ZNF383: variants seen among roughly 807,000 people sequenced by gnomAD.
The protein encoded by ZNF383 is zinc finger protein 383.
A neutral mutation model predicts 44.2 loss-of-function variants in ZNF383; 32 were observed. The ratio of observed to expected loss-of-function variants is 0.72; its 90% CI spans 0.55 to 0.97. The LOEUF (loss-of-function observed/expected upper bound fraction) is 0.97, where lower values mean the gene tolerates loss of function less well. Ranked by LOEUF, ZNF383 falls within the 50% of genes least tolerant of loss-of-function variation. ZNF383 has a pLI of 0.00. For synonymous variants in ZNF383, 155 were observed against 186.2 expected, an observed-to-expected ratio of 0.83 and a Z score of 1.36; for missense variants, 487 against 562.5, an observed-to-expected ratio of 0.87 and a Z score of 1.36.
intron 5 of ZNF383, among the ~76,000 whole-genome samples, chr19:37,239,270 C>T (rs1973964594): frequency 6.6e-6 from 1 of 152,102 alleles, no homozygotes; most frequent in Non-Finnish European, 1.5e-5. Context: ...AACATTTCTT[C>T]CTATCGTGAT....
intron 1 of ZNF383, among the ~76,000 whole-genome samples, chr19:37,223,449 G>A (rs536278076): frequency 1.4e-4 from 22 of 152,140 alleles, no homozygotes; most frequent in Admixed American, 1.3e-3. Flanking sequence ...TGTAATCCCA[G>A]CACTTTAGGA....
chr19:37,218,522 G>A (rs1972778148), intron 1 of ZNF383, among the ~76,000 whole-genome samples: 1 of 152,130 alleles, frequency 6.6e-6, no homozygotes, highest in African/African-American at 2.4e-5. Context: ...GTGTAGGTAT[G>A]ACTGTGTCCC....
Position 37,230,473 on chromosome 19 carries a change from G to C in ZNF383, c.9+11G>C. On this transcript the variant is annotated intron_variant, in intron 3 of 5. Transcript: ENST00000684119. ...GAAGCCATGGCTGAGGTGAGTTGATGCTTTTTCTTGCCTTCCTGACATTTA... is the reference window on the plus strand; with the variant it reads ...GAAGCCATGGCTGAGGTGAGTTGATCCTTTTTCTTGCCTTCCTGACATTTA... 1 of 1,610,728 alleles carries C rather than the reference G, an allele frequency of 6.2e-7. No individual in the cohort carries two copies. Among genetic ancestry groups the C allele is most frequent in the Non-Finnish European group, 8.5e-7 (1 of 1,179,208 alleles).
intron 3 of ZNF383, among the ~76,000 whole-genome samples, chr19:37,231,115 T>G (rs1458828233): frequency 6.6e-6 from 1 of 152,234 alleles, no homozygotes; most frequent in Non-Finnish European, 1.5e-5. Context: ...TTTACAATGG[T>G]TCAGCCAATG....
At position 37,230,672 on chromosome 19, in the gene ZNF383, C is replaced by T. The variant is rs113065165; in HGVS notation, c.9+210C>T. 6.9e-3 allele frequency among the ~76,000 whole-genome samples: 1,047 copies of T among 152,142 alleles called. 18 individuals are homozygous for T. Among genetic ancestry groups the T allele is most frequent in the African/African-American group, 0.024 (999 of 41,506 alleles). On this transcript the variant is annotated intron_variant, in intron 3 of 5. Transcript: ENST00000684119. ...TCAACCAGCATTAATATTTTCATTC[C>T]GTAAATACCTGAGCATCTCTTTTTC...
At chr19:37,234,734 CA>C (rs576802002) in intron 3 of ZNF383, among the ~76,000 whole-genome samples, 116 of 151,346 alleles carry the variant, frequency 7.7e-4, no homozygotes, top group African/African-American at 2.4e-3. Flanking sequence ...AATCCTATTA[CA>C]AAAAAAAATT....
intron 2 of ZNF383, among the ~76,000 whole-genome samples, chr19:37,225,957 C>CTTT (rs35639012): frequency 7.2e-6 from 1 of 138,114 alleles, no homozygotes; most frequent in African/African-American, 2.7e-5. Flanking sequence ...GTCTAACTAA[C>CTTT]TTTTTTTTTT....
rs73627762 is a variant in ZNF383, at chr19:37,248,715, A to T, written c.*5051A>T. On this transcript the variant is annotated 3_prime_UTR_variant, in exon 6 of 6. Transcript: ENST00000684119. The stretch of plus-strand genomic sequence containing the variant: ...TATTTGACAGGATGGGATATATTTT[A>T]TAAATAAACTTGGACTATTATCCTA... 1 of 152,234 alleles carries T rather than the reference A, an allele frequency of 6.6e-6. No individual in the cohort carries two copies. The highest frequency in any genetic ancestry group is 2.4e-5 in the African/African-American group (1 of 41,452). The allele number at this position is 152,234 out of a possible 1,614,324, so 9.4% of individuals were successfully genotyped here. A position where few individuals can be genotyped will look rare whatever the true frequency, so the allele number is the denominator to read the frequency against.
rs375531385 is a variant in ZNF383 at position 37,248,614 on chromosome 19, A to C, written c.*4950A>C. ...AATTTACATGGGATTGCAAAAGTTCAAATAACTAAAGTTCTGTCAATGAAA... is the reference window on the plus strand; with the variant it reads ...AATTTACATGGGATTGCAAAAGTTCCAATAACTAAAGTTCTGTCAATGAAA... On this transcript the variant is annotated 3_prime_UTR_variant, in exon 6 of 6. Transcript: ENST00000684119. The C allele has an allele frequency of 6.6e-6, 1 of 152,252 alleles. No homozygotes were observed. The highest frequency in any genetic ancestry group is 2.4e-5 in the African/African-American group (1 of 41,472). The allele number at this position is 152,252 out of a possible 1,614,324, so 9.4% of individuals were successfully genotyped here.
At chr19:37,238,873 G>A (rs1292948357) in intron 5 of ZNF383, among the ~76,000 whole-genome samples, 1 of 152,142 alleles carries the variant, frequency 6.6e-6, no homozygotes, top group Admixed American at 6.5e-5. Flanking sequence ...GATTCCTTTA[G>A]GTAGAATTCA....
chr19:37,230,767 G>T (rs1475929817), intron 3 of ZNF383, among the ~76,000 whole-genome samples: 1 of 152,204 alleles, frequency 6.6e-6, no homozygotes, highest in Non-Finnish European at 1.5e-5. Flanking sequence ...TTTGTAAAAT[G>T]AAGTTACCCT....
At chr19:37,219,745 A>G (rs1233729670) in intron 1 of ZNF383, 1 of 152,222 alleles carries the variant, frequency 6.6e-6, no homozygotes, top group African/African-American at 2.4e-5. Context: ...CAAACCAAAT[A>G]CAAGGTGCAT....
chr19:37,228,694 C>G (rs961414336), intron 2 of ZNF383, among the ~76,000 whole-genome samples: 1 of 151,984 alleles, frequency 6.6e-6, no homozygotes, highest in African/African-American at 2.4e-5. Flanking sequence ...ATGGGTCCTT[C>G]TGGCTTTGGT....
At chr19:37,236,214 A>G (rs1426290288) in intron 5 of ZNF383, 140 bp downstream of exon 5, 9 of 544,666 alleles carry the variant, frequency 1.7e-5, no homozygotes, top group Non-Finnish European at 2.6e-5. Flanking sequence ...AAGTCCTTTT[A>G]GCATAGTTGT....
Position 37,243,245 on chromosome 19 carries a change from C to T in ZNF383, c.1009C>T (p.Pro337Ser), listed in dbSNP as rs1974226349. The T allele has an allele frequency of 1.2e-6, 2 of 1,614,032 alleles. No homozygotes were observed. Among genetic ancestry groups the T allele is most frequent in the Non-Finnish European group, 1.7e-6 (2 of 1,179,946 alleles). ...QHQRIHTGEK[P>S]YECKECGKAF... ...TCAGAGAATTCATACTGGTGAGAAA[C>T]CCTATGAGTGCAAGGAATGTGGCAA... Residue 337 changes from proline to serine, a missense_variant, in exon 6 of 6, where the codon CCC (proline) becomes TCC (serine). Pro to Ser is a moderately conservative substitution (Grantham distance 74). Transcript: ENST00000684119.
At chr19:37,224,036 A>G (rs1973045089) in intron 1 of ZNF383, among the ~76,000 whole-genome samples, 1 of 149,846 alleles carries the variant, frequency 6.7e-6, no homozygotes, top group Admixed American at 6.7e-5. Context: ...TCCATCTCAG[A>G]AAAAAAAAAG....
At chr19:37,231,658 G>C (rs984382219) in intron 3 of ZNF383, among the ~76,000 whole-genome samples, 2 of 152,166 alleles carry the variant, frequency 1.3e-5, no homozygotes, top group Non-Finnish European at 2.9e-5. Context: ...CAAGAGTTGA[G>C]AACTTTTGCA....
At chr19:37,225,998 A>G (rs1388732738) in intron 2 of ZNF383, among the ~76,000 whole-genome samples, 1 of 147,340 alleles carries the variant, frequency 6.8e-6, no homozygotes, top group African/African-American at 2.5e-5. Context: ...ACGGGGTTTC[A>G]CCATGTTGCC....
In ZNF383 at chr19:37,243,340, T is replaced by C. The variant is rs754387757; in HGVS notation, c.1104T>C (p.Cys368=). 1 of 1,614,038 alleles carries C rather than the reference T, an allele frequency of 6.2e-7. No individual in the cohort carries two copies. The highest frequency in any genetic ancestry group is 1.3e-5 in the African/African-American group (1 of 74,924). ...RIHTGEKPYD[C]KECGKAFTQS... Reference sequence around the variant, plus strand: ...ACACTGGTGAGAAACCCTATGATTGTAAGGAATGTGGAAAGGCTTTTACTC... The same window carrying C: ...ACACTGGTGAGAAACCCTATGATTGCAAGGAATGTGGAAAGGCTTTTACTC... Residue 368 remains cysteine (C), a synonymous_variant, in exon 6 of 6, where the codon TGT becomes TGC. Coordinates refer to ENST00000684119, the MANE Select transcript of ZNF383 (RefSeq NM_001387601.1).
Sources: allele counts gnomAD v4.1 joint callset (sites outside exome capture counted in the v4.1 genomes callset), GRCh38; gene constraint gnomAD v4.1.1; transcripts MANE v1.5; gene names NCBI Gene and HGNC (gene_info 2026-07-23, HGNC 2026-07-21).